Variants in ETV6 observed in about 807,000 individuals in gnomAD.
ETV6 encodes ETS variant transcription factor 6.
A neutral mutation model predicts 51.1 loss-of-function variants in ETV6; 16 were observed. That is an observed-to-expected ratio of 0.31 (90% CI 0.21 to 0.48). ETV6 has a LOEUF of 0.48. ETV6 is among the 20% of genes least tolerant of loss of function. ETV6 has a pLI of 0.99. For missense variants in ETV6, 458 were observed against 594.8 expected, an observed-to-expected ratio of 0.77 and a Z score of 2.39; for synonymous variants, 240 against 224.1, an observed-to-expected ratio of 1.07 and a Z score of -0.64.
chr12:11,729,419 G>A (rs1023140861), intron 1 of ETV6, among the ~76,000 whole-genome samples: 1 of 152,312 alleles, frequency 6.6e-6, no homozygotes, highest in East Asian at 1.9e-4. Context: ...GTGGGATCAG[G>A]TGGGGGGGAC....
At chr12:11,826,185 C>CCG (rs1946150943) in intron 2 of ETV6, among the ~76,000 whole-genome samples, 1 of 152,084 alleles carries the variant, frequency 6.6e-6, no homozygotes, top group African/African-American at 2.4e-5. Flanking sequence ...AGCCTGCAGA[C>CCG]CGCCCAGAGA....
chr12:11,779,033 A>G (rs1346454348), intron 2 of ETV6, among the ~76,000 whole-genome samples: 1 of 152,184 alleles, frequency 6.6e-6, no homozygotes, highest in Non-Finnish European at 1.5e-5. Context: ...TCCTTCCTAT[A>G]TCTAGGCCCT....
At chr12:11,848,025 A>G (rs1388349165) in intron 3 of ETV6, among the ~76,000 whole-genome samples, 1 of 152,234 alleles carries the variant, frequency 6.6e-6, no homozygotes, top group African/African-American at 2.4e-5. Flanking sequence ...ACTTTGTAAA[A>G]CTTACGCATG....
intron 3 of ETV6, among the ~76,000 whole-genome samples, chr12:11,847,826 G>C (rs1946487213): frequency 6.6e-6 from 1 of 152,130 alleles, no homozygotes; most frequent in Non-Finnish European, 1.5e-5. Flanking sequence ...CAGGGAGGAT[G>C]GGGACAAGGG....
intron 2 of ETV6, among the ~76,000 whole-genome samples, chr12:11,799,242 G>A (rs528897377): frequency 6.6e-6 from 1 of 152,322 alleles, no homozygotes; most frequent in African/African-American, 2.4e-5. Flanking sequence ...TGAACTAGAT[G>A]TCTAGTGCAG....
At chr12:11,847,422 C>T (rs762809544) in intron 3 of ETV6, among the ~76,000 whole-genome samples, 12 of 152,056 alleles carry the variant, frequency 7.9e-5, no homozygotes, top group Non-Finnish European at 1.3e-4. Flanking sequence ...ATAGACGAGC[C>T]GATTGAAGCC....
rs186060876 is a variant in ETV6 at position 11,814,085 on chromosome 12, A to G, written c.164-25055A>G. Among the ~76,000 whole-genome samples, 89 of 152,314 alleles carry G rather than the reference A, an allele frequency of 5.8e-4. 1 individual carries two copies. Among genetic ancestry groups the G allele is most frequent in the African/African-American group, 2.1e-3 (87 of 41,572 alleles). On this transcript the variant is annotated intron_variant, in intron 2 of 7. Coordinates refer to ENST00000396373, the MANE Select transcript of ETV6 (RefSeq NM_001987.5). Reference sequence around the variant, plus strand: ...CTGATTTTCTGTGAATTGCAAAGCTATTATTAACTGGTACATTTTATATTT... The same window carrying G: ...CTGATTTTCTGTGAATTGCAAAGCTGTTATTAACTGGTACATTTTATATTT...
Position 11,884,431 on chromosome 12 carries a change from C to T in ETV6, c.1010-14C>T, listed in dbSNP as rs370782420. Reference sequence around the variant, plus strand: ...ACATTTTCAACAGTGTTTTCTTGCCCTTTTCCTCTGTAGACTGTAGACTGC... The same window carrying T: ...ACATTTTCAACAGTGTTTTCTTGCCTTTTTCCTCTGTAGACTGTAGACTGC... On this transcript the variant is annotated splice_polypyrimidine_tract_variant and intron_variant, in intron 5 of 7. Coordinates refer to ENST00000396373, the MANE Select transcript of ETV6 (RefSeq NM_001987.5). 2 of 1,613,914 alleles carry T rather than the reference C, an allele frequency of 1.2e-6. No homozygotes were observed. Among genetic ancestry groups the T allele is most frequent in the Non-Finnish European group, 8.5e-7 (1 of 1,179,956 alleles).
At chr12:11,706,976 AC>A (rs2120863799) in intron 1 of ETV6, among the ~76,000 whole-genome samples, 1 of 152,120 alleles carries the variant, frequency 6.6e-6, no homozygotes, top group East Asian at 1.9e-4. Context: ...AGGAAGACAA[AC>A]CTGTATTTTG....
chr12:11,698,041 T>A (rs1398174718), intron 1 of ETV6, among the ~76,000 whole-genome samples: 1 of 152,234 alleles, frequency 6.6e-6, no homozygotes, highest in African/African-American at 2.4e-5. Flanking sequence ...CCTTGTTTGA[T>A]GAAATACCAT....
At chr12:11,791,080 C>T (rs745599635) in intron 2 of ETV6, among the ~76,000 whole-genome samples, 17 of 152,196 alleles carry the variant, frequency 1.1e-4, no homozygotes, top group Non-Finnish European at 2.1e-4. Context: ...AATCCTTTCA[C>T]GGATTCTGCC....
At chr12:11,885,882 G>A (rs568804517) in intron 6 of ETV6, 44 bp from the exon 7 acceptor site, 19 of 1,416,538 alleles carry the variant, frequency 1.3e-5, no homozygotes, top group Non-Finnish European at 1.9e-5. Flanking sequence ...TCATTTCATT[G>A]TGTCTTTGTG....
intron 1 of ETV6, among the ~76,000 whole-genome samples, chr12:11,732,678 C>T (rs1865624024): frequency 1.3e-5 from 2 of 152,108 alleles, no homozygotes; most frequent in Non-Finnish European, 2.9e-5. Flanking sequence ...ACATCCGACA[C>T]ACAGACCACC....
Position 11,836,979 on chromosome 12 carries a change from C to T in ETV6, c.164-2161C>T, listed in dbSNP as rs76989553. On this transcript the variant is annotated intron_variant, in intron 2 of 7. Transcript: ENST00000396373. ...GAAGGTCCATAATAACAAATCGCAG[C>T]GCCATTCTTGTTCAAAGGTGACACC... is the stretch of plus-strand genomic sequence containing the variant. Among the ~76,000 whole-genome samples, 13 of 152,290 alleles carry T rather than the reference C, an allele frequency of 8.5e-5. No homozygotes were observed. In the East Asian group the frequency reaches 2.1e-3, roughly 25 times the overall value.
At chr12:11,798,816 CT>C (rs1945710851) in intron 2 of ETV6, among the ~76,000 whole-genome samples, 1 of 152,152 alleles carries the variant, frequency 6.6e-6, no homozygotes, top group African/African-American at 2.4e-5. Flanking sequence ...CATTTCAGAT[CT>C]CTTGAGTCCA....
chr12:11,716,149 G>A (rs758353325), intron 1 of ETV6, among the ~76,000 whole-genome samples: 15 of 151,596 alleles, frequency 9.9e-5, no homozygotes, highest in Non-Finnish European at 1.8e-4. Flanking sequence ...TCACGAGGTC[G>A]GGAGATCAAG....
intron 1 of ETV6, among the ~76,000 whole-genome samples, chr12:11,717,585 CATTA>C (rs2120912749): frequency 6.6e-6 from 1 of 152,320 alleles, no homozygotes; most frequent in African/African-American, 2.4e-5. Flanking sequence ...TGTCTGAGAA[CATTA>C]ATAAAAGGCT....
At chr12:11,770,057 CA>C (rs1014177999) in intron 2 of ETV6, among the ~76,000 whole-genome samples, 4 of 151,282 alleles carry the variant, frequency 2.6e-5, no homozygotes, top group African/African-American at 7.3e-5. Context: ...TCCTTTCAAT[CA>C]AAAAAAAGGT....
chr12:11,666,805 G>A (rs966939594), intron 1 of ETV6, among the ~76,000 whole-genome samples: 1 of 152,224 alleles, frequency 6.6e-6, no homozygotes, highest in Non-Finnish European at 1.5e-5. Context: ...CCTGCTGGGG[G>A]CTTTCTGTTG....
Sources: allele counts gnomAD v4.1 joint callset (sites outside exome capture counted in the v4.1 genomes callset), GRCh38; gene constraint gnomAD v4.1.1; transcripts MANE v1.5; gene names NCBI Gene and HGNC (gene_info 2026-07-23, HGNC 2026-07-21).